The following RIGI variants were observed in gnomAD, a reference collection of about 807,000 sequenced individuals.
RIGI encodes antiviral innate immune response receptor RIG-I.
chr9:32,478,058 T>C, the RIGI span, among the ~76,000 whole-genome samples: 1 of 152,152 alleles, frequency 6.6e-6, no homozygotes, highest in Non-Finnish European at 1.5e-5. Context: ...TTTTTGTTTT[T>C]TTTCCTGAGA....
chr9:32,473,082 A>G, the RIGI span: 1 of 1,551,568 alleles, frequency 6.4e-7, no homozygotes, highest in Non-Finnish European at 8.8e-7. Flanking sequence ...ATGAAAAGCA[A>G]TTATCAATTG....
At chr9:32,455,329 G>T in the RIGI span, among the ~76,000 whole-genome samples, 1 of 152,150 alleles carries the variant, frequency 6.6e-6, no homozygotes, top group Admixed American at 6.5e-5. Context: ...AGGCTTAATA[G>T]ATTCACAGTT....
chr9:32,505,102 A>C, the RIGI span, among the ~76,000 whole-genome samples: 1 of 146,242 alleles, frequency 6.8e-6, no homozygotes, highest in Non-Finnish European at 1.5e-5. Flanking sequence ...GATACAATAT[A>C]TATGTCACAA....
At chr9:32,457,352 G>A in the RIGI span, 2 of 1,613,940 alleles carry the variant, frequency 1.2e-6, no homozygotes, top group Non-Finnish European at 1.7e-6. Context: ...AACTGCTTTG[G>A]CTTGGGATGT....
the RIGI span, chr9:32,485,347 A>G: frequency 2.3e-5 from 26 of 1,120,498 alleles, 1 homozygote; most frequent in East Asian, 5.4e-4. Context: ...GACAGATTGT[A>G]GTTCAAAGTA....
At chr9:32,482,629 G>A in the RIGI span, among the ~76,000 whole-genome samples, 1 of 152,138 alleles carries the variant, frequency 6.6e-6, no homozygotes, top group Non-Finnish European at 1.5e-5. Flanking sequence ...GGGAGCCCCA[G>A]GCGGGTGGAT....
chr9:32,493,201 C>G, the RIGI span, among the ~76,000 whole-genome samples: 220 of 152,324 alleles, frequency 1.4e-3, 1 homozygote, highest in African/African-American at 5.1e-3. Flanking sequence ...GTCTGTAGCC[C>G]TTTCTCATTT....
At chr9:32,526,012 C>T in the RIGI span, 1 of 1,393,740 alleles carries the variant, frequency 7.2e-7, no homozygotes, top group Non-Finnish European at 1.0e-6. Flanking sequence ...AAGAGAAAAA[C>T]AAGTCCTCAA....
chr9:32,457,417 T>A, the RIGI span: 17 of 1,611,264 alleles, frequency 1.1e-5, no homozygotes, highest in Non-Finnish European at 1.4e-5. Context: ...GTAATGGCAT[T>A]CCTACAGATG....
chr9:32,465,403 T>A, the RIGI span, among the ~76,000 whole-genome samples: 2 of 152,222 alleles, frequency 1.3e-5, no homozygotes, highest in Non-Finnish European at 2.9e-5. Flanking sequence ...ATAGACACTA[T>A]GGAGTTGGTC....
chr9:32,457,141 G>C, the RIGI span: 2 of 1,613,118 alleles, frequency 1.2e-6, no homozygotes, highest in African/African-American at 1.3e-5. Flanking sequence ...CATTTCTGCT[G>C]GATCAAATGG....
the RIGI span, chr9:32,459,582 T>C: frequency 1.4e-6 from 2 of 1,453,460 alleles, no homozygotes; most frequent in Non-Finnish European, 1.9e-6. Context: ...CAGGCACAGA[T>C]ACGTACAATA....
At chr9:32,487,875 A>G in the RIGI span, 4 of 1,547,210 alleles carry the variant, frequency 2.6e-6, no homozygotes, top group East Asian at 6.7e-5. Context: ...CAGTGTGGCC[A>G]TAAGAGTAAG....
the RIGI span, among the ~76,000 whole-genome samples, chr9:32,497,785 T>TAAATAAATA: frequency 1.2e-3 from 190 of 152,076 alleles, no homozygotes; most frequent in African/African-American, 3.9e-3. Flanking sequence ...AATAAATAAA[T>TAAATAAATA]AATTCTGCCA....
chr9:32,485,531 C>CTT, the RIGI span: 10,761 of 319,348 alleles, frequency 0.034, 28 homozygotes, highest in South Asian at 0.055. Context: ...TAACTAGCTT[C>CTT]TTTTTTTTTT....
chr9:32,498,499 A>G, the RIGI span, among the ~76,000 whole-genome samples: 808 of 152,276 alleles, frequency 5.3e-3, 4 homozygotes, highest in African/African-American at 0.019. Context: ...CCCTTTATGA[A>G]AAATAAAGCT....
the RIGI span, among the ~76,000 whole-genome samples, chr9:32,468,944 G>A: frequency 2.3e-4 from 35 of 152,236 alleles, no homozygotes; most frequent in African/African-American, 7.0e-4. Context: ...ATTATATTTC[G>A]CAATCTAAAC....
chr9:32,470,683 G>A, the RIGI span, among the ~76,000 whole-genome samples: 2 of 152,128 alleles, frequency 1.3e-5, no homozygotes, highest in Non-Finnish European at 2.9e-5. Flanking sequence ...GCTTCTTCAT[G>A]AAACAGGAAA....
the RIGI span, among the ~76,000 whole-genome samples, chr9:32,504,981 CAT>C: frequency 5.4e-5 from 7 of 128,946 alleles, no homozygotes; most frequent in African/African-American, 1.2e-4. Context: ...TATTATATAT[CAT>C]ATATATTTTA....
Sources: allele counts gnomAD v4.1 joint callset (sites outside exome capture counted in the v4.1 genomes callset), GRCh38; gene constraint gnomAD v4.1.1; transcripts MANE v1.5; gene names NCBI Gene and HGNC (gene_info 2026-07-23, HGNC 2026-07-21).